Variants in HLCS observed in about 807,000 individuals in gnomAD.
HLCS encodes the protein biotin--protein ligase.
HLCS carries 53 observed loss-of-function variants against 75.0 expected under a neutral mutation model. The observed-to-expected ratio is 0.71, with a 90% CI of 0.57 to 0.89. HLCS has a LOEUF of 0.89. HLCS is among the 40% of genes least tolerant of loss of function. The probability of loss-of-function intolerance (pLI) is 0.00; values close to 1 mark genes in which losing one functional copy is unlikely to be tolerated. For missense variants in HLCS, 966 were observed against 1,074.0 expected (o/e 0.90, Z 1.41); for synonymous variants, 431 against 428.6 (o/e 1.01, Z -0.07).
At chr21:36,966,842 C>G (rs948233799), upstream of HLCS, among the ~76,000 whole-genome samples, 5 of 146,626 alleles carry the variant, frequency 3.4e-5, no homozygotes, top group Admixed American at 3.4e-4. Context: ...AGGCCGCGCC[C>G]GGCTGTGTGA....
intron 6 of HLCS, among the ~76,000 whole-genome samples, chr21:36,818,756 T>C (rs1217218734): frequency 6.6e-6 from 1 of 152,182 alleles, no homozygotes; most frequent in Non-Finnish European, 1.5e-5. Context: ...TCATTGTATT[T>C]TGCTTGTACT....
At chr21:36,796,535 C>T (rs756106950) in intron 6 of HLCS, among the ~76,000 whole-genome samples, 10 of 152,238 alleles carry the variant, frequency 6.6e-5, no homozygotes, top group South Asian at 2.1e-4. Context: ...GCAGGGCCCA[C>T]GAGAGCTGTG....
chr21:36,818,604 T>TTTAAGC (rs2061732777), intron 6 of HLCS, among the ~76,000 whole-genome samples: 1 of 152,182 alleles, frequency 6.6e-6, no homozygotes, highest in South Asian at 2.1e-4. Flanking sequence ...AGCGTTATTA[T>TTTAAGC]GTGCCTACGC....
intron 6 of HLCS, among the ~76,000 whole-genome samples, chr21:36,843,026 C>T (rs1371706364): frequency 6.6e-6 from 1 of 152,210 alleles, no homozygotes; most frequent in Non-Finnish European, 1.5e-5. Context: ...CTTTGGTGGC[C>T]ATCTGTATGG....
At chr21:36,815,343 C>CT (rs2061632107) in intron 6 of HLCS, among the ~76,000 whole-genome samples, 2 of 152,106 alleles carry the variant, frequency 1.3e-5, no homozygotes, top group African/African-American at 4.8e-5. Flanking sequence ...TGAAGCTTTT[C>CT]TAACAGTGAA....
intron 6 of HLCS, among the ~76,000 whole-genome samples, chr21:36,856,535 T>C (rs1051117541): frequency 8.6e-5 from 13 of 152,000 alleles, no homozygotes; most frequent in Non-Finnish European, 1.6e-4. Context: ...AAGACATAAA[T>C]AACACACACC....
At chr21:36,942,398 C>CAAAAAAAAAAAA (rs55999516) in intron 2 of HLCS, among the ~76,000 whole-genome samples, 15 of 80,934 alleles carry the variant, frequency 1.9e-4, no homozygotes, top group African/African-American at 7.6e-4. Flanking sequence ...GACTCCGTCT[C>CAAAAAAAAAAAA]AAAAAAAAAA....
In HLCS at chr21:36,842,984, G is replaced by A. The variant is rs549155911; in HGVS notation, c.1892+53876C>T. ...TTGCTTTGCACATGTCTGAAACTGA[G>A]CAGTTCTTCCTGCCATGTCTTATCT... On this transcript the variant is annotated intron_variant, in intron 6 of 10. Transcript: ENST00000674895. This position sits in a 1 kb window ranked among gnomAD's most constrained non-coding sequence, Gnocchi z 4.2. Among the ~76,000 whole-genome samples, 4 of 152,300 alleles carry A rather than the reference G, an allele frequency of 2.6e-5. No homozygotes were observed. Among genetic ancestry groups the A allele is most frequent in the Non-Finnish European group, 5.9e-5 (4 of 68,028 alleles).
At chr21:36,929,829 C>T (rs2073423) in intron 5 of HLCS, among the ~76,000 whole-genome samples, 7,486 of 152,320 alleles carry the variant, frequency 0.049, 296 homozygotes, top group East Asian at 0.17. Flanking sequence ...CTGTCAGACA[C>T]GACTCACAGA....
intron 6 of HLCS, among the ~76,000 whole-genome samples, chr21:36,827,427 A>G (rs928321444): frequency 6.6e-6 from 1 of 151,862 alleles, no homozygotes; most frequent in South Asian, 2.1e-4. Context: ...AAAAAAAATT[A>G]GCCAGGCATG....
At position 36,773,389 on chromosome 21, in the gene HLCS, G is replaced by A. The variant is rs1042459899; in HGVS notation, c.1893-6104C>T. Reference sequence around the variant, plus strand: ...CTGCCACTGGGAGCAGCTGGCCTCTGGAAGCTGGGCTGTACCTCAGACTGG... The same window carrying A: ...CTGCCACTGGGAGCAGCTGGCCTCTAGAAGCTGGGCTGTACCTCAGACTGG... On this transcript the variant is annotated intron_variant, in intron 6 of 10. Coordinates refer to ENST00000674895, the MANE Select transcript of HLCS (RefSeq NM_001352514.2). 4.2e-4 allele frequency among the ~76,000 whole-genome samples: 64 copies of A among 152,240 alleles called. 1 individual carries two copies. The highest frequency in any genetic ancestry group is 1.5e-5 in the Non-Finnish European group (1 of 68,044).
chr21:36,765,042 C>T lies in HLCS; in HGVS notation c.2091G>A (p.Val697=), dbSNP rs773627772. Residue 697 remains valine, a synonymous_variant, in exon 8 of 11, where the codon GTG becomes GTA. Transcript: ENST00000674895. ...FVQHLMSVAV[V]EAVRSIPEYQ... is the part of the protein sequence containing the mutation. The stretch of plus-strand genomic sequence containing the variant: ...ACTCGGGAATGGACCTCACTGCTTC[C>T]ACGACAGCCACGGACATCAGATGCT... The T allele has an allele frequency of 7.4e-6, 12 of 1,614,114 alleles. No individual in the cohort carries two copies. The South Asian group carries it at 1.3e-4, about 18-fold the overall frequency.
chr21:36,768,388 C>T (rs2090118060), intron 6 of HLCS, among the ~76,000 whole-genome samples: 1 of 152,220 alleles, frequency 6.6e-6, no homozygotes, highest in Non-Finnish European at 1.5e-5. Context: ...TTATCATCCT[C>T]CCCTCCCAGC....
chr21:36,937,092 T>C lies in HLCS; in HGVS notation c.794A>G (p.Glu265Gly). Residue 265 changes from glutamate to glycine, a missense_variant, in exon 4 of 11, where the codon GAG becomes GGG. Glu to Gly is a moderately conservative substitution (Grantham distance 98, BLOSUM62 -2). Transcript: ENST00000674895. ...ECLELENSTIESVKFASAENI... is the reference protein window; with the variant it reads ...ECLELENSTIGSVKFASAENI... Reference sequence around the variant, plus strand: ...CTCGGCAGACGCAAACTTGACTGACTCAATGGTGCTGTTCTCAAGTTCCAG... The same window carrying C: ...CTCGGCAGACGCAAACTTGACTGACCCAATGGTGCTGTTCTCAAGTTCCAG... The C allele has an allele frequency of 6.2e-7, 1 of 1,614,084 alleles. No homozygotes were observed. Among genetic ancestry groups the C allele is most frequent in the Non-Finnish European group, 8.5e-7 (1 of 1,180,026 alleles).
chr21:36,780,534 A>G (rs1370703156), intron 6 of HLCS, among the ~76,000 whole-genome samples: 5 of 152,150 alleles, frequency 3.3e-5, no homozygotes, highest in African/African-American at 4.8e-5. Flanking sequence ...TTCTTCTTAA[A>G]GCTGAGCAGA....
chr21:36,787,402 C>T (rs2060721747), intron 6 of HLCS, among the ~76,000 whole-genome samples: 1 of 152,226 alleles, frequency 6.6e-6, no homozygotes, highest in South Asian at 2.1e-4. Flanking sequence ...AGGCACTTGG[C>T]TGGTTAAGAC....
intron 6 of HLCS, among the ~76,000 whole-genome samples, chr21:36,769,171 G>A (rs2090144607): frequency 6.6e-6 from 1 of 152,350 alleles, no homozygotes; most frequent in South Asian, 2.1e-4. Flanking sequence ...TAAACTGCTA[G>A]AGGTTTGGCA....
intron 6 of HLCS, among the ~76,000 whole-genome samples, chr21:36,799,905 G>T (rs3787754): frequency 0.14 from 21,200 of 152,180 alleles, 1,779 homozygotes; most frequent in Non-Finnish European, 0.18. Flanking sequence ...TCAGTAACTA[G>T]CCAAAATCAT....
At chr21:36,795,293 A>T (rs1373538141) in intron 6 of HLCS, among the ~76,000 whole-genome samples, 1 of 152,194 alleles carries the variant, frequency 6.6e-6, no homozygotes, top group Admixed American at 6.5e-5. Context: ...GCGAGGACAC[A>T]TTGACGGTGC....
Sources: allele counts gnomAD v4.1 joint callset (sites outside exome capture counted in the v4.1 genomes callset), GRCh38; gene constraint gnomAD v4.1.1; non-coding constraint Gnocchi (gnomAD v3.1); transcripts MANE v1.5; gene names NCBI Gene and HGNC (gene_info 2026-07-23, HGNC 2026-07-21).